TAB2: variants seen among roughly 807,000 people sequenced by gnomAD.
TAB2 encodes the protein TGF-beta-activated kinase 1 and MAP3K7-binding protein 2.
A neutral mutation model predicts 65.0 loss-of-function variants in TAB2; 3 were observed. The observed-to-expected ratio is 0.05, with a 90% CI of 0.02 to 0.12. The LOEUF is 0.12. TAB2 is among the 10% of genes least tolerant of loss of function. The probability of loss-of-function intolerance (pLI) is 1.00; values close to 1 mark genes in which losing one functional copy is unlikely to be tolerated. For synonymous variants in TAB2, 298 were observed against 285.1 expected, an observed-to-expected ratio of 1.05 and a Z score of -0.46; for missense variants, 623 against 840.3, an observed-to-expected ratio of 0.74 and a Z score of 3.20.
At chr6:149,280,931 C>CAA (rs9322172) in intron 1 of TAB2, among the ~76,000 whole-genome samples, 3 of 115,052 alleles carry the variant, frequency 2.6e-5, no homozygotes, top group Non-Finnish European at 5.4e-5. Context: ...GACCTCGTCT[C>CAA]AAAAAAAAAA....
chr6:149,282,021 G>T (rs779386568), intron 1 of TAB2, among the ~76,000 whole-genome samples: 1 of 152,012 alleles, frequency 6.6e-6, no homozygotes, highest in African/African-American at 2.4e-5. Flanking sequence ...CAGCTGGATC[G>T]CAGGCATGAT....
chr6:149,226,084 G>A (rs1361057602), intron 1 of TAB2, among the ~76,000 whole-genome samples: 1 of 152,038 alleles, frequency 6.6e-6, no homozygotes, highest in Non-Finnish European at 1.5e-5. Context: ...GTACACAACA[G>A]CCACCACCAG....
rs906024688 is a variant in TAB2 at position 149,262,063 on chromosome 6, G to A, written c.-121+43287G>A. On this transcript the variant is annotated intron_variant, in intron 1 of 1. Transcript: ENST00000606202. ...GAAATGACATGTTTACCAGGGAATT[G>A]TGAGTTAAGGGAAATAGATCTAGTG... is the stretch of plus-strand genomic sequence containing the variant. 4.6e-5 allele frequency among the ~76,000 whole-genome samples: 7 copies of A among 152,346 alleles called. No individual in the cohort carries two copies. The South Asian group carries it at 1.4e-3, about 32-fold the overall frequency.
chr6:149,245,637 T>C (rs1777695616), intron 1 of TAB2: 3 of 152,122 alleles, frequency 2.0e-5, no homozygotes, highest in Admixed American at 1.3e-4. Flanking sequence ...TAGATATTGA[T>C]GCATGTGGGC....
intron 1 of TAB2, among the ~76,000 whole-genome samples, chr6:149,267,381 G>A (rs1342073565): frequency 1.3e-5 from 2 of 152,182 alleles, no homozygotes; most frequent in African/African-American, 4.8e-5. Flanking sequence ...GTTTTGCAGG[G>A]TCCTTGCACC....
chr6:149,406,143 T>A (rs1390440015), intron 6 of TAB2, among the ~76,000 whole-genome samples: 2 of 152,228 alleles, frequency 1.3e-5, no homozygotes, highest in Non-Finnish European at 2.9e-5. Flanking sequence ...CTCATAGTGT[T>A]ACATCATCCT....
At chr6:149,364,705 T>C (rs1272457114) in intron 1 of TAB2, among the ~76,000 whole-genome samples, 2 of 149,076 alleles carry the variant, frequency 1.3e-5, no homozygotes, top group Non-Finnish European at 3.0e-5. Flanking sequence ...TACTCTTATC[T>C]AGTTGCCTCA....
At chr6:149,402,828 A>G (rs1477487425) in intron 6 of TAB2, among the ~76,000 whole-genome samples, 3 of 152,234 alleles carry the variant, frequency 2.0e-5, no homozygotes, top group Non-Finnish European at 4.4e-5. Flanking sequence ...CAACATACAC[A>G]AATCAGTTAA....
intron 3 of TAB2, among the ~76,000 whole-genome samples, 165 bp from the exon 4 acceptor site, chr6:149,397,439 G>A (rs1405238409): frequency 6.7e-6 from 1 of 148,424 alleles, no homozygotes; most frequent in Non-Finnish European, 1.5e-5. Context: ...AAAACTCTGT[G>A]TCAAAAAAAA....
chr6:149,318,380 C>G lies in TAB2; in HGVS notation c.-90+365C>G, dbSNP rs536997416. The stretch of plus-strand genomic sequence containing the variant: ...CCCTCCCTGCGTCGGCGCCCCTGAC[C>G]CGCCCCCAGGCATGTGTGAGGTGGG... On this transcript the variant is annotated intron_variant, in intron 1 of 6. Coordinates refer to ENST00000637181, the MANE Select transcript of TAB2 (RefSeq NM_001292034.3). Among the ~76,000 whole-genome samples the G allele has an allele frequency of 2.0e-3, 311 of 152,092 alleles. 1 individual carries two copies. The highest frequency in any genetic ancestry group is 7.1e-3 in the African/African-American group (295 of 41,506).
At chr6:149,315,250 A>T (rs1169605601), upstream of TAB2, among the ~76,000 whole-genome samples, 1 of 152,172 alleles carries the variant, frequency 6.6e-6, no homozygotes, top group Admixed American at 6.5e-5. Flanking sequence ...GCTTACCAAA[A>T]ATTGCAAGAA....
intron 6 of TAB2, chr6:149,400,753 C>G: frequency 6.6e-7 from 1 of 1,523,310 alleles, no homozygotes; most frequent in South Asian, 1.3e-5. Flanking sequence ...AATTAGAAAA[C>G]TGCAATTTGG....
chr6:149,239,300 G>A lies in TAB2; in HGVS notation c.-121+20524G>A, dbSNP rs72995736. On this transcript the variant is annotated intron_variant, in intron 1 of 1. Coordinates refer to the TAB2 transcript ENST00000606202. ...ACCGTGACTTTAAACCTGGCCTGGA[G>A]TTGCCATGACCAGAGCTTACTGAGA... Among the ~76,000 whole-genome samples, 941 of 152,300 alleles carry A rather than the reference G, an allele frequency of 6.2e-3. 7 individuals are homozygous for A. The highest frequency in any genetic ancestry group is 8.8e-3 in the Non-Finnish European group (599 of 68,024).
chr6:149,340,141 A>G (rs768592874), intron 1 of TAB2, among the ~76,000 whole-genome samples: 13 of 152,216 alleles, frequency 8.5e-5, no homozygotes, highest in Non-Finnish European at 1.8e-4. Flanking sequence ...ATCAAGTAGA[A>G]TAAAAAGCTT....
chr6:149,338,509 A>G (rs189948476), intron 1 of TAB2, among the ~76,000 whole-genome samples: 1 of 152,362 alleles, frequency 6.6e-6, no homozygotes, highest in East Asian at 1.9e-4. Flanking sequence ...AGAAATTGCT[A>G]TTTCTGACAA....
intron 1 of TAB2, among the ~76,000 whole-genome samples, chr6:149,330,095 CTT>C (rs113491144): frequency 6.7e-6 from 1 of 149,236 alleles, no homozygotes; most frequent in Non-Finnish European, 1.5e-5. Context: ...GAGATGGGCT[CTT>C]TTTTTTTTCA....
intron 1 of TAB2, among the ~76,000 whole-genome samples, chr6:149,336,924 A>T (rs889626562): frequency 4.7e-4 from 10 of 21,160 alleles, no homozygotes; most frequent in Admixed American, 1.2e-3. Flanking sequence ...CATTTAGATA[A>T]AAAAAAAAAA....
chr6:149,379,636 A>G (rs915967469), intron 3 of TAB2, 118 bp downstream of exon 3: 2 of 923,792 alleles, frequency 2.2e-6, no homozygotes, highest in Non-Finnish European at 3.5e-6. Flanking sequence ...ATTGCCCCAA[A>G]TGATGTTATT....
chr6:149,326,353 T>C (rs1779618039), intron 1 of TAB2, among the ~76,000 whole-genome samples: 1 of 151,950 alleles, frequency 6.6e-6, no homozygotes, highest in Non-Finnish European at 1.5e-5. Flanking sequence ...CTGTAGTGTA[T>C]ATACATGAAA....
Sources: gnomAD v4.1 joint callset for allele counts (sites outside exome capture counted in the v4.1 genomes callset) on GRCh38, gnomAD v4.1.1 for gene constraint, MANE v1.5 for transcripts, NCBI Gene and HGNC (gene_info 2026-07-23, HGNC 2026-07-21) for gene names.